The following ZBTB20 variants were observed in gnomAD, a reference collection of about 807,000 sequenced individuals.
The protein encoded by ZBTB20 is zinc finger and BTB domain containing 20, also known as zinc finger and BTB domain-containing protein 20.
ZBTB20 carries 9 observed loss-of-function variants against 56.9 expected under a neutral mutation model. The ratio of observed to expected loss-of-function variants is 0.16; its 90% CI spans 0.10 to 0.28. The LOEUF (loss-of-function observed/expected upper bound fraction) is 0.28. ZBTB20 is among the 10% of genes least tolerant of loss of function. The pLI is 1.00. For synonymous variants in ZBTB20, 417 were observed against 420.7 expected (o/e 0.99, Z 0.11); for missense variants, 655 against 1,003.0 (o/e 0.65, Z 4.69).
intron 6 of ZBTB20, among the ~76,000 whole-genome samples, chr3:114,595,259 C>T (rs561346016): frequency 1.1e-4 from 16 of 152,300 alleles, no homozygotes; most frequent in Non-Finnish European, 1.8e-4. Flanking sequence ...CTGGAGGCCA[C>T]ATTTATAGCT....
At chr3:114,792,227 T>C (rs865948185) in intron 5 of ZBTB20, 1 of 152,148 alleles carries the variant, frequency 6.6e-6, no homozygotes, top group Non-Finnish European at 1.5e-5. Flanking sequence ...CAAAATATTA[T>C]AAGATTGTTG....
At position 114,800,533 on chromosome 3, in the gene ZBTB20, C is replaced by T. The variant is rs558419363; in HGVS notation, c.-343+568G>A. ...ATAAGATGTGCTATTTTGACTGCTT[C>T]GTAGCAGAATGGGGAACACACGCAC... On this transcript the variant is annotated intron_variant, in intron 5 of 11. Transcript: ENST00000675478. Among the ~76,000 whole-genome samples the T allele has an allele frequency of 9.9e-5, 15 of 151,846 alleles. No individual in the cohort carries two copies. The East Asian group carries it at 1.9e-3, about 20-fold the overall frequency.
At chr3:114,653,929 T>C (rs1227064284) in intron 6 of ZBTB20, among the ~76,000 whole-genome samples, 1 of 151,588 alleles carries the variant, frequency 6.6e-6, no homozygotes, top group Admixed American at 6.7e-5. Context: ...ATTCCCTTGT[T>C]ATCCTTTAAT....
At chr3:114,573,521 CAG>C (rs1210267849) in intron 6 of ZBTB20, among the ~76,000 whole-genome samples, 1 of 92,774 alleles carries the variant, frequency 1.1e-5, no homozygotes, top group African/African-American at 4.1e-5. Flanking sequence ...AAGAAAGAAA[CAG>C]AGAGAGAGAA....
intron 6 of ZBTB20, among the ~76,000 whole-genome samples, chr3:114,565,651 C>G (rs1241844615): frequency 6.6e-6 from 1 of 152,186 alleles, no homozygotes. Context: ...AAAGTTACTA[C>G]AGTTATCATG....
chr3:114,793,178 C>T (rs1467649863), intron 5 of ZBTB20, among the ~76,000 whole-genome samples: 1 of 152,006 alleles, frequency 6.6e-6, no homozygotes, highest in African/African-American at 2.4e-5. Flanking sequence ...CCGTGCCTGG[C>T]CCCAAAGTTT....
chr3:114,789,039 C>A (rs1048502186), intron 5 of ZBTB20, among the ~76,000 whole-genome samples: 1 of 152,160 alleles, frequency 6.6e-6, no homozygotes, highest in African/African-American at 2.4e-5. Flanking sequence ...ATTATGGGAG[C>A]TACACTTCAA....
intron 5 of ZBTB20, among the ~76,000 whole-genome samples, chr3:114,798,606 G>A (rs1273340917): frequency 1.3e-5 from 2 of 151,842 alleles, no homozygotes; most frequent in African/African-American, 4.8e-5. Flanking sequence ...GGTCAATATG[G>A]TTTGTGTAAC....
intron 1 of ZBTB20, among the ~76,000 whole-genome samples, chr3:115,117,613 A>G (rs565876367): frequency 6.6e-6 from 1 of 152,116 alleles, no homozygotes; most frequent in East Asian, 1.9e-4. Context: ...TCCTTTGTGT[A>G]TTACAATCCA....
At position 114,945,885 on chromosome 3, in the gene ZBTB20, A is replaced by G. The variant is rs1576392725; in HGVS notation, c.-456+28481T>C. ...CAACGAAAAGAAGGCTAATATCACT[A>G]TACATTATAATATCAGTCTAAGTAG... On this transcript the variant is annotated intron_variant, in intron 3 of 11. Coordinates refer to ENST00000675478, the MANE Select transcript of ZBTB20 (RefSeq NM_001348800.3). Among the ~76,000 whole-genome samples, 2 of 145,248 alleles carry G rather than the reference A, an allele frequency of 1.4e-5. 1 individual carries two copies. The highest frequency in any genetic ancestry group is 5.6e-5 in the African/African-American group (2 of 35,724).
chr3:114,359,162 C>T (rs2081547528), intron 10 of ZBTB20, among the ~76,000 whole-genome samples: 1 of 152,112 alleles, frequency 6.6e-6, no homozygotes, highest in South Asian at 2.1e-4. Flanking sequence ...TACCTCAAAT[C>T]CCTTACTTAT....
chr3:114,748,964 G>A (rs1223227489), intron 5 of ZBTB20, among the ~76,000 whole-genome samples: 2 of 152,136 alleles, frequency 1.3e-5, no homozygotes, highest in African/African-American at 4.8e-5. Flanking sequence ...TGGGAAAAAG[G>A]CCTACAGGAT....
rs1253282318 is a variant in ZBTB20, at chr3:114,324,235, A to G, written c.*14770T>C. ...ACAGCTATTTAATGTAAAGGTCAGT[A>G]GTGGTTTTTACTTAATAGTTTTCAT... On this transcript the variant is annotated 3_prime_UTR_variant, in exon 12 of 12. Transcript: ENST00000675478. 6.6e-6 allele frequency: 1 copy of G among 152,216 alleles called. No individual in the cohort carries two copies. The highest frequency in any genetic ancestry group is 6.5e-5 in the Admixed American group (1 of 15,274). The allele number at this position is 152,216 out of a possible 1,614,324, so 9.4% of individuals were successfully genotyped here.
At chr3:114,707,637 G>C (rs749299024) in intron 5 of ZBTB20, among the ~76,000 whole-genome samples, 3 of 152,142 alleles carry the variant, frequency 2.0e-5, no homozygotes, top group Non-Finnish European at 2.9e-5. Context: ...CCCTGGAGGG[G>C]ACACAGTGGA....
chr3:115,094,094 C>T (rs769193204), intron 1 of ZBTB20, among the ~76,000 whole-genome samples: 1 of 152,058 alleles, frequency 6.6e-6, no homozygotes, highest in Non-Finnish European at 1.5e-5. Context: ...TTAATCATCT[C>T]TAGTCGTCTC....
intron 1 of ZBTB20, among the ~76,000 whole-genome samples, chr3:115,121,336 C>T (rs909390340): frequency 3.3e-5 from 5 of 151,914 alleles, no homozygotes; most frequent in Admixed American, 2.6e-4. Flanking sequence ...TCACATTTTG[C>T]CTTTCAAATT....
At chr3:114,357,350 G>C (rs1434269301) in intron 10 of ZBTB20, 1 of 152,154 alleles carries the variant, frequency 6.6e-6, no homozygotes, top group Non-Finnish European at 1.5e-5. Context: ...GAAAGTTGGG[G>C]ACTAGCTGGA....
chr3:114,518,354 T>C (rs1447422130), intron 6 of ZBTB20, among the ~76,000 whole-genome samples: 1 of 152,210 alleles, frequency 6.6e-6, no homozygotes, highest in Non-Finnish European at 1.5e-5. Flanking sequence ...TCTCACCATT[T>C]GTTTTGAAAA....
intron 3 of ZBTB20, among the ~76,000 whole-genome samples, chr3:114,926,816 T>G (rs1468842408): frequency 2.0e-5 from 3 of 152,198 alleles, no homozygotes; most frequent in Non-Finnish European, 4.4e-5. Flanking sequence ...CAGGCTGGAA[T>G]GCAGTGACGT....
Sources: gnomAD v4.1 joint callset for allele counts (sites outside exome capture counted in the v4.1 genomes callset) on GRCh38, gnomAD v4.1.1 for gene constraint, MANE v1.5 for transcripts, NCBI Gene and HGNC (gene_info 2026-07-23, HGNC 2026-07-21) for gene names.